CAPRIN2: variants seen among roughly 807,000 people sequenced by gnomAD.
CAPRIN2 encodes caprin family member 2.
Under a neutral mutation model 130.4 loss-of-function variants are expected in CAPRIN2, and 66 were observed. The observed-to-expected ratio is 0.51, with a 90% CI of 0.42 to 0.62. CAPRIN2 has a LOEUF of 0.62. CAPRIN2 is among the 20% of genes least tolerant of loss of function. CAPRIN2 has a pLI of 0.00. For synonymous variants in CAPRIN2, 471 were observed against 444.1 expected (o/e 1.06, Z -0.76); for missense variants, 1,185 against 1,246.6 (o/e 0.95, Z 0.74).
exon 8 of CAPRIN2, chr12:30,728,728 T>C: frequency 6.2e-7 from 1 of 1,614,104 alleles, no homozygotes; most frequent in Non-Finnish European, 8.5e-7. Context: ...CCCCAGGACT[T>C]TGGAGAAATC....
Position 30,710,331 on chromosome 12 carries a change from C to A in CAPRIN2, c.2805G>T (p.Leu935=), listed in dbSNP as rs965803693. ...GAGGCAGAGGGTAGACGTGTACTGGCAGTATGGTGGCTGCTGGATTTGTCA... is the reference window on the plus strand; with the variant it reads ...GAGGCAGAGGGTAGACGTGTACTGGAAGTATGGTGGCTGCTGGATTTGTCA... The change falls in exon 17 of 17, where the codon CTG becomes CTT. Residue 935 remains leucine (L), a synonymous_variant. Coordinates refer to ENST00000298892, the Ensembl canonical transcript of CAPRIN2. The surrounding 1 kb of genome is among the most constrained non-coding windows in gnomAD (Gnocchi z 4.8). The A allele has an allele frequency of 2.2e-5, 36 of 1,614,010 alleles. No homozygotes were observed. Among genetic ancestry groups the A allele is most frequent in the Non-Finnish European group, 3.1e-5 (36 of 1,180,040 alleles).
Position 30,715,118 on chromosome 12 carries a change from TAG to T in CAPRIN2, c.2339_2340del (p.Thr780AsnfsTer7). The T allele has an allele frequency of 6.2e-7, 1 of 1,614,034 alleles. No homozygotes were observed. Among genetic ancestry groups the T allele is most frequent in the Non-Finnish European group, 8.5e-7 (1 of 1,179,930 alleles). On this transcript the variant is annotated frameshift_variant, in exon 14 of 17. Transcript: ENST00000298892. LOFTEE classifies it high-confidence loss of function. ...GCAAGGCTACCATTGCTTACTTGAA[TAG>T]TTCCATCAGGATGATAATTTGCTGC... is the stretch of plus-strand genomic sequence containing the variant.
intron 8 of CAPRIN2, among the ~76,000 whole-genome samples, chr12:30,726,798 T>C (rs1044833000): frequency 6.6e-6 from 1 of 152,162 alleles, no homozygotes; most frequent in Admixed American, 6.5e-5. Context: ...TGAGTACATA[T>C]GGGACTCTTT....
At chr12:30,745,425 T>C (rs552947246) in intron 2 of CAPRIN2, among the ~76,000 whole-genome samples, 2 of 152,292 alleles carry the variant, frequency 1.3e-5, no homozygotes. Flanking sequence ...GAGAAACCTA[T>C]GCTACCAATT....
intron 10 of CAPRIN2, among the ~76,000 whole-genome samples, chr12:30,723,677 CA>C (rs1264473672): frequency 2.6e-5 from 4 of 152,136 alleles, no homozygotes; most frequent in African/African-American, 9.7e-5. Flanking sequence ...TCACAAATTT[CA>C]AAGTCAATCT....
intron 9 of CAPRIN2, among the ~76,000 whole-genome samples, chr12:30,725,383 T>C (rs2060601587): frequency 6.6e-6 from 1 of 152,198 alleles, no homozygotes; most frequent in African/African-American, 2.4e-5. Flanking sequence ...AGTAACAGAA[T>C]TTAAACCCAG....
intron 1 of CAPRIN2, 83 bp downstream of exon 2, chr12:30,753,257 GAGAA>G: frequency 1.8e-6 from 2 of 1,121,184 alleles, no homozygotes; most frequent in Non-Finnish European, 2.5e-6. Context: ...ATTTTTAGTA[GAGAA>G]CACCTATGAG....
intron 1 of CAPRIN2, chr12:30,751,381 ACT>A: frequency 2.2e-6 from 1 of 445,142 alleles, no homozygotes; most frequent in South Asian, 2.4e-5. Context: ...TCTCTTAATG[ACT>A]CTATTAATAA....
chr12:30,726,691 T>C (rs992852943), intron 8 of CAPRIN2, among the ~76,000 whole-genome samples: 2 of 152,124 alleles, frequency 1.3e-5, no homozygotes, highest in African/African-American at 4.8e-5. Flanking sequence ...AACATGCCAG[T>C]CTCCACTAGC....
rs1453023349 is a variant in CAPRIN2 at position 30,710,696 on chromosome 12, T to G, written c.2666-226A>C. Among the ~76,000 whole-genome samples, 2 of 152,214 alleles carry G rather than the reference T, an allele frequency of 1.3e-5. No homozygotes were observed. Among genetic ancestry groups the G allele is most frequent in the Admixed American group, 6.5e-5 (1 of 15,278 alleles). ...CAAGATAATCTTGTCTAACTGATCC[T>G]TTTTTAAGATTAAGAAAATGTGGCC... On this transcript the variant is annotated intron_variant, in intron 16 of 16. Coordinates refer to ENST00000298892, the Ensembl canonical transcript of CAPRIN2. The surrounding 1 kb of genome is among the most constrained non-coding windows in gnomAD (Gnocchi z 4.8).
intron 15 of CAPRIN2, among the ~76,000 whole-genome samples, chr12:30,712,766 A>T (rs990685323): frequency 8.2e-6 from 1 of 122,674 alleles, no homozygotes; most frequent in African/African-American, 3.0e-5. Flanking sequence ...TTTGAGACAG[A>T]GTCTCGCTCT....
At chr12:30,733,690 C>A in exon 5 of CAPRIN2, 1 of 1,613,494 alleles carries the variant, frequency 6.2e-7, no homozygotes, top group Non-Finnish European at 8.5e-7. Flanking sequence ...ACAAGGATGA[C>A]TGCTCCATCT....
At chr12:30,722,487 G>A (rs1325758632) in intron 11 of CAPRIN2, among the ~76,000 whole-genome samples, 1 of 152,150 alleles carries the variant, frequency 6.6e-6, no homozygotes, top group Non-Finnish European at 1.5e-5. Flanking sequence ...CTTGTCAATT[G>A]AAAGCCTTAT....
intron 14 of CAPRIN2, among the ~76,000 whole-genome samples, 177 bp from the exon 17 acceptor site, chr12:30,714,062 C>T (rs1199340357): frequency 6.6e-6 from 1 of 152,084 alleles, no homozygotes; most frequent in Non-Finnish European, 1.5e-5. Flanking sequence ...ATTTATAGAA[C>T]ATTGCTGTCT....
chr12:30,709,743 A>G (rs1228072858), exon 17 of CAPRIN2: 1 of 711,144 alleles, frequency 1.4e-6, no homozygotes, highest in Admixed American at 3.0e-5. Context: ...ATTCAGCTTG[A>G]TTTTTCACCT....
intron 8 of CAPRIN2, among the ~76,000 whole-genome samples, chr12:30,726,723 CAAAGA>C (rs2061047365): frequency 6.6e-6 from 1 of 152,060 alleles, no homozygotes; most frequent in South Asian, 2.1e-4. Context: ...ACCTTCTAAT[CAAAGA>C]AGACACACAG....
chr12:30,710,150 C>T lies in CAPRIN2; in HGVS notation c.2986G>A (p.Val996Ile), dbSNP rs746668837. 2 of 1,614,070 alleles carry T rather than the reference C, an allele frequency of 1.2e-6. No individual in the cohort carries two copies. Among genetic ancestry groups the T allele is most frequent in the Non-Finnish European group, 1.7e-6 (2 of 1,180,022 alleles). ...AGCTTTAGCATGTGAAAAATGAAAA[C>T]GTAAGTGCCATTCACTGGGCAATTA... Residue 996 changes from valine to isoleucine, a missense_variant, in exon 17 of 17, where the codon GTT becomes ATT. Val to Ile is a conservative substitution (Grantham distance 29). Coordinates refer to ENST00000298892, the Ensembl canonical transcript of CAPRIN2. The surrounding 1 kb of genome is among the most constrained non-coding windows in gnomAD (Gnocchi z 4.8).
intron 10 of CAPRIN2, 124 bp downstream of exon 11, chr12:30,724,246 A>G: frequency 1.5e-6 from 1 of 650,092 alleles, no homozygotes; most frequent in Non-Finnish European, 2.8e-6. Context: ...AGATGGATAC[A>G]GTTAGAATAA....
exon 1 of CAPRIN2, chr12:30,753,707 C>G (rs1565735543): frequency 6.2e-7 from 1 of 1,614,006 alleles, no homozygotes; most frequent in East Asian, 2.2e-5. Context: ...CCCTTAAACT[C>G]TTTTCCACAG....
Sources: allele counts gnomAD v4.1 joint callset (sites outside exome capture counted in the v4.1 genomes callset), GRCh38; gene constraint gnomAD v4.1.1; non-coding constraint Gnocchi (gnomAD v3.1); transcripts MANE v1.5; gene names NCBI Gene and HGNC (gene_info 2026-07-23, HGNC 2026-07-21).